The following GRID2 variants were observed in gnomAD, a reference collection of about 807,000 sequenced individuals.
GRID2 encodes glutamate ionotropic receptor delta type subunit 2.
A neutral mutation model predicts 114.8 loss-of-function variants in GRID2; 33 were observed. That is an observed-to-expected ratio of 0.29 (90% CI 0.22 to 0.38). The LOEUF is 0.38. Ranked by LOEUF, GRID2 falls within the 10% of genes least tolerant of loss-of-function variation. GRID2 has a pLI of 1.00. For synonymous variants in GRID2, 505 were observed against 449.9 expected, an observed-to-expected ratio of 1.12 and a Z score of -1.55; for missense variants, 1,184 against 1,257.7, an observed-to-expected ratio of 0.94 and a Z score of 0.89.
Position 92,405,524 on chromosome 4 carries a change from T to A in GRID2, c.88+100780T>A, listed in dbSNP as rs115563592. On this transcript the variant is annotated intron_variant, in intron 1 of 15. Transcript: ENST00000282020. ...TTAGGTAGTTCAAGATATTCAAGTA[T>A]TTCTTTTTCTGTTCCTTGCTGTGGG... 9.0e-3 allele frequency among the ~76,000 whole-genome samples: 1,373 copies of A among 152,246 alleles called. 23 individuals carry two copies. Among genetic ancestry groups the A allele is most frequent in the African/African-American group, 0.031 (1,307 of 41,564 alleles).
intron 13 of GRID2, among the ~76,000 whole-genome samples, chr4:93,522,055 A>G (rs1181966920): frequency 1.3e-5 from 2 of 152,174 alleles, no homozygotes; most frequent in Non-Finnish European, 2.9e-5. Context: ...AAAAGACTGC[A>G]GTATTGCTGG....
chr4:93,066,935 T>G, intron 2 of GRID2, among the ~76,000 whole-genome samples: 1 of 152,032 alleles, frequency 6.6e-6, no homozygotes, highest in East Asian at 1.9e-4. Context: ...GTAGGTAGCA[T>G]GTACAGTGTG....
chr4:93,018,573 G>C (rs1227474837), intron 2 of GRID2, among the ~76,000 whole-genome samples: 1 of 152,084 alleles, frequency 6.6e-6, no homozygotes, highest in African/African-American at 2.4e-5. Context: ...TATAAAGCTT[G>C]AAGACAGCCA....
intron 2 of GRID2, among the ~76,000 whole-genome samples, chr4:92,786,176 A>G (rs1021193339): frequency 5.9e-5 from 9 of 151,802 alleles, no homozygotes; most frequent in Admixed American, 1.3e-4. Flanking sequence ...TATTTTATCT[A>G]AGTATCTGTT....
chr4:93,589,873 G>A (rs962046533), intron 13 of GRID2, among the ~76,000 whole-genome samples: 76 of 151,592 alleles, frequency 5.0e-4, no homozygotes, highest in Non-Finnish European at 8.9e-4. Flanking sequence ...GTCTGTTCAT[G>A]TCCTTTGCCC....
chr4:93,204,535 G>C (rs1347806796), intron 4 of GRID2, among the ~76,000 whole-genome samples: 2 of 152,078 alleles, frequency 1.3e-5, no homozygotes, highest in Non-Finnish European at 2.9e-5. Context: ...TCTCCTTGCT[G>C]ACCCTAAGCA....
chr4:92,657,270 T>C (rs1428833432), intron 2 of GRID2, among the ~76,000 whole-genome samples: 2 of 151,886 alleles, frequency 1.3e-5, no homozygotes, highest in African/African-American at 2.4e-5. Context: ...ATTGTACTTA[T>C]TTGTGACTTC....
At chr4:93,209,091 G>C (rs1442539201) in intron 5 of GRID2, among the ~76,000 whole-genome samples, 2 of 151,770 alleles carry the variant, frequency 1.3e-5, no homozygotes, top group Non-Finnish European at 2.9e-5. Flanking sequence ...GTTTTGTTTT[G>C]TTTTTGTTTT....
intron 1 of GRID2, among the ~76,000 whole-genome samples, chr4:92,351,079 A>G (rs1018003587): frequency 7.2e-5 from 11 of 151,990 alleles, no homozygotes; most frequent in Admixed American, 6.6e-4. Flanking sequence ...TCATCAGTTG[A>G]TGAAAATTTG....
chr4:93,069,248 A>G (rs1202749768), intron 2 of GRID2, among the ~76,000 whole-genome samples: 1 of 146,682 alleles, frequency 6.8e-6, no homozygotes, highest in African/African-American at 2.6e-5. Flanking sequence ...ATATAATTAT[A>G]TATTATATAT....
chr4:93,506,525 T>C (rs1728648189), intron 12 of GRID2, among the ~76,000 whole-genome samples: 1 of 152,170 alleles, frequency 6.6e-6, no homozygotes, highest in African/African-American at 2.4e-5. Context: ...GTCTTTTATC[T>C]AATGTATTCT....
chr4:93,603,760 C>A (rs1432587117), intron 13 of GRID2, among the ~76,000 whole-genome samples: 3 of 152,132 alleles, frequency 2.0e-5, no homozygotes, highest in Non-Finnish European at 4.4e-5. Flanking sequence ...ATACTATGGA[C>A]CTTAAAAATT....
intron 1 of GRID2, among the ~76,000 whole-genome samples, chr4:92,341,084 A>G (rs1018351831): frequency 7.2e-5 from 11 of 152,190 alleles, no homozygotes; most frequent in African/African-American, 2.4e-4. Flanking sequence ...AAAATATAAA[A>G]TGTGTATACT....
chr4:93,515,994 CTATTTT>C (rs1213019234), intron 13 of GRID2, among the ~76,000 whole-genome samples: 1 of 152,110 alleles, frequency 6.6e-6, no homozygotes, highest in Non-Finnish European at 1.5e-5. Context: ...AATCTTAAGG[CTATTTT>C]TACTCTGAGC....
chr4:93,131,712 T>C (rs556967071), intron 4 of GRID2, among the ~76,000 whole-genome samples: 57 of 152,256 alleles, frequency 3.7e-4, no homozygotes, highest in South Asian at 1.4e-3. Flanking sequence ...TCTGTAATGA[T>C]TAAATCTGGG....
chr4:93,682,642 G>A (rs1429987175), intron 14 of GRID2, among the ~76,000 whole-genome samples: 1 of 152,048 alleles, frequency 6.6e-6, no homozygotes, highest in Non-Finnish European at 1.5e-5. Flanking sequence ...GGACATGGAT[G>A]AAATTGGAAA....
At chr4:92,579,434 A>C (rs973099748) in intron 1 of GRID2, among the ~76,000 whole-genome samples, 3 of 152,064 alleles carry the variant, frequency 2.0e-5, no homozygotes, top group African/African-American at 7.2e-5. Context: ...TAAATTAAGA[A>C]CACAGTTTGA....
chr4:93,169,028 A>T (rs1299487860), intron 4 of GRID2, among the ~76,000 whole-genome samples: 3 of 152,076 alleles, frequency 2.0e-5, no homozygotes, highest in African/African-American at 4.8e-5. Flanking sequence ...CTAGGGGATC[A>T]TTCAGTGGCC....
intron 8 of GRID2, among the ~76,000 whole-genome samples, chr4:93,296,112 C>T (rs1185398711): frequency 2.0e-5 from 3 of 152,176 alleles, no homozygotes; most frequent in Non-Finnish European, 4.4e-5. Context: ...ATGGTGTTGG[C>T]AGGCCATAGT....
Sources: gnomAD v4.1 joint callset for allele counts (sites outside exome capture counted in the v4.1 genomes callset) on GRCh38, gnomAD v4.1.1 for gene constraint, MANE v1.5 for transcripts, NCBI Gene and HGNC (gene_info 2026-07-23, HGNC 2026-07-21) for gene names.